The following BAIAP2L1 variants were observed in gnomAD, a reference collection of about 807,000 sequenced individuals.
BAIAP2L1 encodes BAR/IMD domain-containing adapter protein 2-like 1.
Under a neutral mutation model 66.3 loss-of-function variants are expected in BAIAP2L1, and 35 were observed. The ratio of observed to expected loss-of-function variants is 0.53; its 90% confidence interval spans 0.40 to 0.70. BAIAP2L1 has a LOEUF of 0.70. Among genes scored for constraint, BAIAP2L1 ranks in the 30% least tolerant of loss-of-function variants. The probability of loss-of-function intolerance (pLI) is 0.00; values close to 1 mark genes in which losing one functional copy is unlikely to be tolerated. For synonymous variants in BAIAP2L1, 269 were observed against 248.7 expected, an observed-to-expected ratio of 1.08 and a Z score of -0.77; for missense variants, 622 against 656.9, an observed-to-expected ratio of 0.95 and a Z score of 0.58.
At chr7:98,348,133 T>C (rs1801917080) in intron 3 of BAIAP2L1, among the ~76,000 whole-genome samples, 1 of 150,378 alleles carries the variant, frequency 6.6e-6, no homozygotes, top group Non-Finnish European at 1.5e-5. Context: ...ACTTAAAGTA[T>C]AATAAAAAAA....
intron 1 of BAIAP2L1, among the ~76,000 whole-genome samples, chr7:98,391,320 A>C (rs910186648): frequency 1.3e-5 from 2 of 152,200 alleles, no homozygotes; most frequent in African/African-American, 4.8e-5. Flanking sequence ...TTTTAAAGAA[A>C]GAGAAACCGG....
intron 9 of BAIAP2L1, chr7:98,308,264 C>T (rs761895622): frequency 2.4e-4 from 116 of 475,414 alleles, no homozygotes; most frequent in Admixed American, 3.9e-4. Context: ...CAATTCCAAT[C>T]GCAAAGGCAG....
intron 8 of BAIAP2L1, 33 bp downstream of exon 8, chr7:98,312,064 G>T (rs200439220): frequency 6.4e-7 from 1 of 1,557,896 alleles, no homozygotes; most frequent in East Asian, 2.3e-5. Context: ...GGAAACACAC[G>T]ATTGAAATCT....
intron 3 of BAIAP2L1, among the ~76,000 whole-genome samples, chr7:98,337,357 G>A (rs542964625): frequency 2.0e-4 from 31 of 151,976 alleles, no homozygotes; most frequent in Middle Eastern, 3.4e-3. Flanking sequence ...TCAGTCTCCC[G>A]AGTAGCTGAG....
chr7:98,321,818 C>T (rs950596555), intron 3 of BAIAP2L1, among the ~76,000 whole-genome samples: 1 of 152,128 alleles, frequency 6.6e-6, no homozygotes, highest in African/African-American at 2.4e-5. Flanking sequence ...AATTCCAGGC[C>T]GGGTGTGGTG....
chr7:98,358,219 TAA>T (rs753964192), intron 2 of BAIAP2L1, among the ~76,000 whole-genome samples: 1 of 152,208 alleles, frequency 6.6e-6, no homozygotes, highest in Non-Finnish European at 1.5e-5. Context: ...GCTATGATGA[TAA>T]AGTTAAATTA....
chr7:98,342,523 GATAAA>G (rs1471745136), intron 3 of BAIAP2L1, among the ~76,000 whole-genome samples: 1 of 152,160 alleles, frequency 6.6e-6, no homozygotes, highest in Admixed American at 6.5e-5. Context: ...ATAGTGAGGA[GATAAA>G]ATATTCTGTT....
At chr7:98,398,356 C>A (rs1308567334) in intron 1 of BAIAP2L1, among the ~76,000 whole-genome samples, 1 of 152,026 alleles carries the variant, frequency 6.6e-6, no homozygotes, top group Non-Finnish European at 1.5e-5. Context: ...TTTTCAGACT[C>A]CTGAATTAAA....
At chr7:98,371,031 G>T (rs1285624509) in intron 1 of BAIAP2L1, among the ~76,000 whole-genome samples, 1 of 152,176 alleles carries the variant, frequency 6.6e-6, no homozygotes, top group Non-Finnish European at 1.5e-5. Flanking sequence ...CTACTGCAAG[G>T]CTTGTGAAGA....
At chr7:98,301,224 C>T (rs990391294) in intron 12 of BAIAP2L1, among the ~76,000 whole-genome samples, 6 of 152,200 alleles carry the variant, frequency 3.9e-5, no homozygotes, top group African/African-American at 4.8e-5. Flanking sequence ...CAGTGATAAA[C>T]ATGACCTCCC....
intron 5 of BAIAP2L1, among the ~76,000 whole-genome samples, chr7:98,317,777 C>T (rs1801122987): frequency 6.7e-6 from 1 of 149,978 alleles, no homozygotes; most frequent in African/African-American, 2.5e-5. Flanking sequence ...CATCCTCACA[C>T]TGGCCGGGGC....
At chr7:98,365,441 A>G (rs1329418952) in intron 1 of BAIAP2L1, among the ~76,000 whole-genome samples, 1 of 152,098 alleles carries the variant, frequency 6.6e-6, no homozygotes, top group Non-Finnish European at 1.5e-5. Flanking sequence ...AATTTCTAAG[A>G]GCATGTTCAT....
At chr7:98,307,321 G>A (rs1373867307) in intron 10 of BAIAP2L1, 1 of 897,800 alleles carries the variant, frequency 1.1e-6, no homozygotes, top group African/African-American at 1.8e-5. Flanking sequence ...GGCCAGGCTG[G>A]TCTGGAACTC....
Position 98,291,907 on chromosome 7 carries a change from C to T in BAIAP2L1, c.*1614G>A, listed in dbSNP as rs188160702. ...ACACCCCAGCAGTTCCCCTTAGCGC[C>T]AGATGGGGCTCCCTGAGCCCTGTGG... On this transcript the variant is annotated 3_prime_UTR_variant, in exon 14 of 14. Coordinates refer to ENST00000005260, the MANE Select transcript of BAIAP2L1 (RefSeq NM_018842.5). 3 of 153,080 alleles carry T rather than the reference C, an allele frequency of 2.0e-5. No homozygotes were observed. Among genetic ancestry groups the T allele is most frequent in the Admixed American group, 2.0e-4 (3 of 15,360 alleles). 9.5% of individuals were successfully genotyped at this position (153,080 alleles called of 1,614,324 possible).
At chr7:98,378,064 G>A (rs1007863852) in intron 1 of BAIAP2L1, among the ~76,000 whole-genome samples, 3 of 151,440 alleles carry the variant, frequency 2.0e-5, no homozygotes, top group Non-Finnish European at 4.4e-5. Flanking sequence ...CAGGAGAATC[G>A]CTTGAACCTA....
chr7:98,346,722 A>G (rs1411734630), intron 3 of BAIAP2L1, among the ~76,000 whole-genome samples: 1 of 152,224 alleles, frequency 6.6e-6, no homozygotes, highest in Non-Finnish European at 1.5e-5. Context: ...TCCCAGTGAT[A>G]ACCCAGGCGA....
intron 5 of BAIAP2L1, among the ~76,000 whole-genome samples, 180 bp from the exon 6 acceptor site, chr7:98,317,536 G>A (rs138206749): frequency 6.6e-6 from 1 of 150,720 alleles, no homozygotes; most frequent in African/African-American, 2.4e-5. Context: ...CCTCCTGCTG[G>A]CCGGGGTCCC....
At chr7:98,370,808 GTCTT>G (rs1198901703) in intron 1 of BAIAP2L1, among the ~76,000 whole-genome samples, 9 of 152,022 alleles carry the variant, frequency 5.9e-5, no homozygotes, top group South Asian at 2.1e-4. Flanking sequence ...GCCAATTTTG[GTCTT>G]TCTAACAGTG....
chr7:98,366,280 C>G, intron 1 of BAIAP2L1, among the ~76,000 whole-genome samples: 1 of 152,104 alleles, frequency 6.6e-6, no homozygotes, highest in East Asian at 1.9e-4. Context: ...TCTAGAGCAC[C>G]TCAGATTATC....
Sources: gnomAD v4.1 joint callset for allele counts (sites outside exome capture counted in the v4.1 genomes callset) on GRCh38, gnomAD v4.1.1 for gene constraint, MANE v1.5 for transcripts, NCBI Gene and HGNC (gene_info 2026-07-23, HGNC 2026-07-21) for gene names.